The following SOCS7 variants were observed in gnomAD, a reference collection of about 807,000 sequenced individuals.
SOCS7 encodes NAP-4.
A neutral mutation model predicts 58.9 loss-of-function variants in SOCS7; 18 were observed. The observed-to-expected ratio is 0.31, with a 90% CI of 0.21 to 0.45. The LOEUF is 0.45. Ranked by LOEUF, SOCS7 falls within the 20% of genes least tolerant of loss-of-function variation. The pLI is 1.00. For synonymous variants in SOCS7, 388 were observed against 364.3 expected, an observed-to-expected ratio of 1.06 and a Z score of -0.74; for missense variants, 667 against 837.3, an observed-to-expected ratio of 0.80 and a Z score of 2.51.
intron 4 of SOCS7, 152 bp from the exon 5 acceptor site, chr17:38,366,135 G>T: frequency 7.8e-7 from 1 of 1,284,916 alleles, no homozygotes; most frequent in Non-Finnish European, 1.0e-6. Context: ...AGCCCATCCA[G>T]CTCTTTGCCA....
Position 38,396,070 on chromosome 17 carries a change from G to A in SOCS7, c.*30+72G>A, listed in dbSNP as rs564777155. 5.6e-5 allele frequency: 73 copies of A among 1,303,762 alleles called. No homozygotes were observed. The South Asian group carries it at 1.0e-3, about 18-fold the overall frequency. The allele number at this position is 1,303,762 out of a possible 1,614,324, so 80.8% of individuals were successfully genotyped here. On this transcript the variant is annotated intron_variant, in intron 9 of 9. Coordinates refer to ENST00000612932, the MANE Select transcript of SOCS7 (RefSeq NM_014598.4). ...GTCATCATCATGCATTGAGCCTTGG[G>A]CCCCCTCCCCACAACTCCCAACATG...
At chr17:38,371,458 C>T (rs767941600) in intron 6 of SOCS7, among the ~76,000 whole-genome samples, 11 of 151,990 alleles carry the variant, frequency 7.2e-5, no homozygotes, top group South Asian at 4.2e-4. Context: ...TTAGTAGAGA[C>T]GGGGTTTCAC....
In SOCS7 at chr17:38,387,108, T is replaced by A. The variant is rs1368399680; in HGVS notation, c.1682-8201T>A. 1.0e-3 allele frequency among the ~76,000 whole-genome samples: 102 copies of A among 101,232 alleles called. 2 individuals carry two copies. Among genetic ancestry groups the A allele is most frequent in the African/African-American group, 9.7e-4 (19 of 19,656 alleles). The allele number at this position is 101,232 out of a possible 152,430, so 66.4% of individuals were successfully genotyped here. ...AAAAAAAAAAAAAAAAAAAAATATATATATATATATATATATATATGTATG... is the reference window on the plus strand; with the variant it reads ...AAAAAAAAAAAAAAAAAAAAATATAAATATATATATATATATATATGTATG... On this transcript the variant is annotated intron_variant, in intron 7 of 9. Transcript: ENST00000612932.
At chr17:38,361,946 G>A (rs4795269) in intron 2 of SOCS7, among the ~76,000 whole-genome samples, 171 bp downstream of exon 2, 37,404 of 152,094 alleles carry the variant, frequency 0.25, 5,996 homozygotes, top group African/African-American at 0.46. Context: ...TATGGAATGT[G>A]TTCTTGACTT....
At chr17:38,357,076 G>A (rs2037650102) in intron 1 of SOCS7, among the ~76,000 whole-genome samples, 2 of 152,154 alleles carry the variant, frequency 1.3e-5, no homozygotes, top group African/African-American at 4.8e-5. Flanking sequence ...GTTCTGTAGT[G>A]GTTTCCTATC....
chr17:38,387,801 ACT>A (rs2038100091), intron 7 of SOCS7, among the ~76,000 whole-genome samples: 1 of 134,308 alleles, frequency 7.4e-6, no homozygotes, highest in Non-Finnish European at 1.6e-5. Context: ...ACAGAGTCTC[ACT>A]CTGTCACCCA....
intron 5 of SOCS7, 47 bp downstream of exon 5, chr17:38,366,464 TA>T: frequency 1.2e-6 from 2 of 1,605,718 alleles, no homozygotes; most frequent in East Asian, 4.5e-5. Flanking sequence ...TCCCATTAGC[TA>T]AATTCTGTAT....
chr17:38,383,588 C>G (rs954403236), intron 7 of SOCS7, among the ~76,000 whole-genome samples: 9 of 152,148 alleles, frequency 5.9e-5, no homozygotes, highest in African/African-American at 2.2e-4. Flanking sequence ...TGAAGTCTCA[C>G]TTTGTTATGC....
chr17:38,392,989 A>G (rs554287455), intron 7 of SOCS7, among the ~76,000 whole-genome samples: 2 of 152,212 alleles, frequency 1.3e-5, no homozygotes, highest in African/African-American at 4.8e-5. Flanking sequence ...AGTTTTAAAG[A>G]CTAAATAAGT....
intron 7 of SOCS7, among the ~76,000 whole-genome samples, chr17:38,386,912 C>T (rs190509821): frequency 2.0e-5 from 3 of 149,686 alleles, no homozygotes; most frequent in African/African-American, 2.5e-5. Context: ...GGTGAAACCC[C>T]GTCTCTACTA....
rs190766313 is a variant in SOCS7 at position 38,378,572 on chromosome 17, T to C, written c.1681+730T>C. Among the ~76,000 whole-genome samples, 190 of 152,280 alleles carry C rather than the reference T, an allele frequency of 1.2e-3. 1 individual carries two copies. The highest frequency in any genetic ancestry group is 0.011 in the East Asian group (58 of 5,192). The stretch of plus-strand genomic sequence containing the variant: ...TTGCACATTGCACTCTGTTAGGAAG[T>C]ATCTGCTGTGGGTTTGCCCATGTTG... On this transcript the variant is annotated intron_variant, in intron 7 of 9. Transcript: ENST00000612932.
At chr17:38,396,518 C>G (rs1243739295) in intron 9 of SOCS7, among the ~76,000 whole-genome samples, 1 of 152,194 alleles carries the variant, frequency 6.6e-6, no homozygotes, top group Non-Finnish European at 1.5e-5. Context: ...TGAGGAAAAA[C>G]AGCCCACTCT....
intron 7 of SOCS7, among the ~76,000 whole-genome samples, chr17:38,388,754 T>A (rs999593380): frequency 2.6e-5 from 4 of 152,208 alleles, no homozygotes; most frequent in Admixed American, 6.5e-5. Context: ...TCATACAATA[T>A]TTTTATGTCT....
At chr17:38,380,546 C>CT in intron 7 of SOCS7, among the ~76,000 whole-genome samples, 1 of 151,642 alleles carries the variant, frequency 6.6e-6, no homozygotes, top group Non-Finnish European at 1.5e-5. Context: ...AGGAGAATCG[C>CT]TTAAAACCCA....
chr17:38,375,000 G>C (rs2037913559), intron 6 of SOCS7, among the ~76,000 whole-genome samples: 1 of 152,208 alleles, frequency 6.6e-6, no homozygotes, highest in African/African-American at 2.4e-5. Context: ...GCTCAAGCCT[G>C]TAATCCCAGC....
At chr17:38,363,773 A>T (rs1235325900) in intron 2 of SOCS7, among the ~76,000 whole-genome samples, 1 of 152,176 alleles carries the variant, frequency 6.6e-6, no homozygotes, top group Non-Finnish European at 1.5e-5. Context: ...TAACGGGGAA[A>T]CATTTAAAAT....
At chr17:38,366,148 G>T in intron 4 of SOCS7, 139 bp from the exon 5 acceptor site, 2 of 1,328,620 alleles carry the variant, frequency 1.5e-6, no homozygotes, top group Non-Finnish European at 2.0e-6. Context: ...CTTTGCCACT[G>T]CTTTGGCTTC....
rs1364404103 is a variant in SOCS7, at chr17:38,401,900, G to A, written c.*2418G>A. On this transcript the variant is annotated 3_prime_UTR_variant, in exon 10 of 10. Transcript: ENST00000612932. ...CTGAGTGCCAAGGGGTTATGATGGT[G>A]AGGTGGAGCCCAAAGCCCAAAGGAG... The A allele has an allele frequency of 6.6e-6, 1 of 152,318 alleles. No homozygotes were observed. The highest frequency in any genetic ancestry group is 1.5e-5 in the Non-Finnish European group (1 of 68,100). 9.4% of individuals were successfully genotyped at this position (152,318 alleles called of 1,614,324 possible).
intron 7 of SOCS7, among the ~76,000 whole-genome samples, chr17:38,387,564 T>C (rs1287955813): frequency 3.8e-5 from 5 of 132,038 alleles, no homozygotes; most frequent in African/African-American, 1.6e-4. Flanking sequence ...ACACAATACA[T>C]AATATATATA....
Sources: allele counts gnomAD v4.1 joint callset (sites outside exome capture counted in the v4.1 genomes callset), GRCh38; gene constraint gnomAD v4.1.1; transcripts MANE v1.5; gene names NCBI Gene and HGNC (gene_info 2026-07-23, HGNC 2026-07-21).